The following SCIN variants were observed in gnomAD, a reference collection of about 807,000 sequenced individuals.
SCIN encodes the protein scinderin.
SCIN carries 91 observed loss-of-function variants against 91.8 expected under a neutral mutation model. The observed-to-expected ratio is 0.99, with a 90% CI of 0.84 to 1.18. The LOEUF is 1.18. Among genes scored for constraint, SCIN ranks in the 50% most tolerant of loss-of-function variants. The pLI is 0.00. For synonymous variants in SCIN, 367 were observed against 312.6 expected, an observed-to-expected ratio of 1.17 and a Z score of -1.84; for missense variants, 1,087 against 863.9, an observed-to-expected ratio of 1.26 and a Z score of -3.24.
chr7:12,614,921 C>A (rs1476350942), intron 4 of SCIN, among the ~76,000 whole-genome samples: 1 of 152,180 alleles, frequency 6.6e-6, no homozygotes, highest in Non-Finnish European at 1.5e-5. Flanking sequence ...TAAGTTAGAT[C>A]AAGGTGATAT....
At position 12,655,489 on chromosome 7, in the gene SCIN, C is replaced by A. The variant is rs1455228768; in HGVS notation, c.*2774C>A. ...GTTCACAGAAAAGAATGAAAATGAC[C>A]AGTAAATAATGAAAAGATGTTCTAA... On this transcript the variant is annotated 3_prime_UTR_variant, in exon 16 of 16. Transcript: ENST00000297029. 2 of 151,928 alleles carry A rather than the reference C, an allele frequency of 1.3e-5. No individual in the cohort carries two copies. The highest frequency in any genetic ancestry group is 1.3e-4 in the Admixed American group (2 of 15,252). 9.4% of individuals were successfully genotyped at this position (151,928 alleles called of 1,614,324 possible).
In SCIN at chr7:12,624,801, A is replaced by G. The variant is rs1191950108; in HGVS notation, c.760-209A>G. ...GGACTTTCAAAAAAATTAGAGTATA[A>G]TTAGTCTTGTGGATTCTTTTCATTT... On this transcript the variant is annotated intron_variant, in intron 5 of 15. Coordinates refer to ENST00000297029, the MANE Select transcript of SCIN (RefSeq NM_001112706.3). 2.0e-5 allele frequency among the ~76,000 whole-genome samples: 3 copies of G among 152,328 alleles called. 1 individual carries two copies. Among genetic ancestry groups the G allele is most frequent in the Middle Eastern group, 6.8e-3 (2 of 294 alleles).
intron 2 of SCIN, 97 bp downstream of exon 2, chr7:12,578,315 G>A: frequency 8.7e-7 from 1 of 1,146,958 alleles, no homozygotes; most frequent in East Asian, 2.8e-5. Context: ...GAGGGCAGGG[G>A]TTTTTGTTTT....
intron 10 of SCIN, among the ~76,000 whole-genome samples, chr7:12,636,434 A>G (rs1783753172): frequency 6.6e-6 from 1 of 152,222 alleles, no homozygotes; most frequent in Admixed American, 6.5e-5. Context: ...AAACGGTTTT[A>G]TCTGTATTAC....
At chr7:12,608,276 G>T (rs759824870) in intron 4 of SCIN, among the ~76,000 whole-genome samples, 15 of 151,252 alleles carry the variant, frequency 9.9e-5, no homozygotes, top group Middle Eastern at 3.5e-3. Flanking sequence ...GAACTAATAG[G>T]TTTCAGAAGT....
intron 1 of SCIN, among the ~76,000 whole-genome samples, chr7:12,577,353 G>A (rs1234438585): frequency 6.6e-6 from 1 of 152,066 alleles, no homozygotes; most frequent in Non-Finnish European, 1.5e-5. Flanking sequence ...ACAAACATCA[G>A]TTAACATATT....
chr7:12,603,950 C>T (rs1783017544), intron 3 of SCIN, among the ~76,000 whole-genome samples: 1 of 151,814 alleles, frequency 6.6e-6, no homozygotes, highest in Non-Finnish European at 1.5e-5. Flanking sequence ...AAGTAAATGC[C>T]AGATAGTGAT....
intron 3 of SCIN, among the ~76,000 whole-genome samples, chr7:12,598,851 C>T (rs925335640): frequency 8.6e-5 from 13 of 151,726 alleles, no homozygotes; most frequent in Non-Finnish European, 1.3e-4. Context: ...GAAGCTGCAG[C>T]GAGCCAAGAC....
At position 12,629,495 on chromosome 7, in the gene SCIN, T is replaced by C. The variant is rs1406641080; in HGVS notation, c.1319+273T>C. Among the ~76,000 whole-genome samples the C allele has an allele frequency of 3.3e-5, 5 of 152,164 alleles. No homozygotes were observed. In the East Asian group the frequency reaches 5.8e-4, roughly 18 times the overall value. ...TGATGTTCTCCTAGTGGATATGTAG[T>C]TGAATATCTCATCTTGTATGCAGGT... On this transcript the variant is annotated intron_variant, in intron 9 of 15. Transcript: ENST00000297029.
At position 12,570,937 on chromosome 7, in the gene SCIN, A is replaced by ACGGCCAAGACGAGC. The variant is rs1469882161; in HGVS notation, c.154_167dup (p.Gly57ProfsTer64). 5.2e-6 allele frequency: 8 copies of ACGGCCAAGACGAGC among 1,551,200 alleles called. No individual in the cohort carries two copies. Among genetic ancestry groups the ACGGCCAAGACGAGC allele is most frequent in the Non-Finnish European group, 7.0e-6 (8 of 1,146,918 alleles). ...CGGGGATGCCTACCTGGTGCTGCAC[A>ACGGCCAAGACGAGC]CGGCCAAGACGAGCCGAGGCTTCAC... On this transcript the variant is annotated frameshift_variant, in exon 1 of 16. Coordinates refer to ENST00000297029, the MANE Select transcript of SCIN (RefSeq NM_001112706.3). LOFTEE classifies it high-confidence loss of function.
At chr7:12,649,329 T>C (rs1199672619) in intron 13 of SCIN, 138 bp from the exon 14 acceptor site, 1 of 497,058 alleles carries the variant, frequency 2.0e-6, no homozygotes, top group Non-Finnish European at 3.5e-6. Context: ...TAAATTTTTA[T>C]TACGTGAAAA....
intron 3 of SCIN, chr7:12,596,250 G>C (rs1192784374): frequency 4.8e-6 from 2 of 414,872 alleles, no homozygotes; most frequent in East Asian, 1.4e-4. Context: ...GCCAACCTGA[G>C]TCTTTCTTCC....
chr7:12,624,636 A>G (rs1783474683), intron 5 of SCIN, among the ~76,000 whole-genome samples: 1 of 152,216 alleles, frequency 6.6e-6, no homozygotes, highest in Non-Finnish European at 1.5e-5. Flanking sequence ...AGAAATAATC[A>G]TGGAAAGTTA....
Position 12,604,641 on chromosome 7 carries a change from G to A in SCIN, c.644G>A (p.Ser215Asn). ...RSELIVVEEGSEPSELIKVLG... is the reference protein window; with the variant it reads ...RSELIVVEEGNEPSELIKVLG... ...GAACTAATTGTCGTGGAAGAAGGAA[G>A]TGAACCCTCAGAACTTATAAAGGTA... Residue 215 changes from serine (S) to asparagine (N), a missense_variant, in exon 4 of 16, where the codon AGT becomes AAT. Ser to Asn is a conservative substitution (Grantham distance 46). Coordinates refer to ENST00000297029, the MANE Select transcript of SCIN (RefSeq NM_001112706.3). The A allele has an allele frequency of 6.4e-7, 1 of 1,552,152 alleles. No homozygotes were observed. Among genetic ancestry groups the A allele is most frequent in the Non-Finnish European group, 8.7e-7 (1 of 1,147,090 alleles).
chr7:12,594,321 G>C (rs972380047), intron 3 of SCIN, among the ~76,000 whole-genome samples: 1 of 152,124 alleles, frequency 6.6e-6, no homozygotes, highest in Admixed American at 6.5e-5. Context: ...GGGTCTGTGG[G>C]TGGGGTGACG....
rs80124456 is a variant in SCIN at position 12,585,916 on chromosome 7, C to T, written c.516+4695C>T. Among the ~76,000 whole-genome samples the T allele has an allele frequency of 1.2e-3, 188 of 152,310 alleles. 3 individuals are homozygous for T. In the East Asian group the frequency reaches 0.032, roughly 26 times the overall value. On this transcript the variant is annotated intron_variant, in intron 3 of 15. Coordinates refer to ENST00000297029, the MANE Select transcript of SCIN (RefSeq NM_001112706.3). The stretch of plus-strand genomic sequence containing the variant: ...CAATATTTTCTCATCCTTTGATATC[C>T]ACGTCAGATATTGTCTTCTTCATAG...
At chr7:12,646,546 G>T (rs953549789) in intron 13 of SCIN, among the ~76,000 whole-genome samples, 6 of 152,050 alleles carry the variant, frequency 3.9e-5, no homozygotes, top group Non-Finnish European at 8.8e-5. Context: ...CAATACAAAA[G>T]AATACAGGAG....
intron 3 of SCIN, among the ~76,000 whole-genome samples, chr7:12,586,556 A>G (rs1053325935): frequency 7.2e-5 from 11 of 152,230 alleles, no homozygotes; most frequent in African/African-American, 2.7e-4. Context: ...GAACTACCAT[A>G]TGATCCAGCA....
At chr7:12,640,238 A>ATTTTTTT in intron 10 of SCIN, 109 bp from the exon 11 acceptor site, 1 of 949,676 alleles carries the variant, frequency 1.1e-6, no homozygotes, top group Non-Finnish European at 1.4e-6. Context: ...TTGACTTTTT[A>ATTTTTTT]TTTTTTGTTT....
Sources: allele counts gnomAD v4.1 joint callset (sites outside exome capture counted in the v4.1 genomes callset), GRCh38; gene constraint gnomAD v4.1.1; transcripts MANE v1.5; gene names NCBI Gene and HGNC (gene_info 2026-07-23, HGNC 2026-07-21).